The following HIRA variants were observed in gnomAD, a reference collection of about 807,000 sequenced individuals.
HIRA encodes histone cell cycle regulator.
Under a neutral mutation model 126.6 loss-of-function variants are expected in HIRA, and 13 were observed. The ratio of observed to expected loss-of-function variants is 0.10; its 90% CI spans 0.07 to 0.16. The LOEUF (loss-of-function observed/expected upper bound fraction) is 0.16, where lower values mean the gene tolerates loss of function less well. HIRA is among the 10% of genes least tolerant of loss of function. HIRA has a pLI of 1.00. For synonymous variants in HIRA, 511 were observed against 520.0 expected, an observed-to-expected ratio of 0.98 and a Z score of 0.24; for missense variants, 834 against 1,314.4, an observed-to-expected ratio of 0.63 and a Z score of 5.65.
At chr22:19,388,756 G>A (rs903948056) in intron 9 of HIRA, among the ~76,000 whole-genome samples, 4 of 152,198 alleles carry the variant, frequency 2.6e-5, no homozygotes, top group Non-Finnish European at 4.4e-5. Context: ...GCTACCTAGA[G>A]TGGACCCTGC....
intron 10 of HIRA, among the ~76,000 whole-genome samples, chr22:19,388,237 G>A (rs769884972): frequency 4.6e-5 from 7 of 152,164 alleles, no homozygotes; most frequent in Non-Finnish European, 5.9e-5. Flanking sequence ...CATTCTCCTC[G>A]TCTTAGACAA....
chr22:19,391,964 C>T (rs2089186762), intron 9 of HIRA, 137 bp downstream of exon 9: 1 of 484,290 alleles, frequency 2.1e-6, no homozygotes. Context: ...CTGTGAGCTT[C>T]CAAGGAGGGG....
rs918534329 is a variant in HIRA at position 19,425,712 on chromosome 22, G to A, written c.37+5728C>T. Among the ~76,000 whole-genome samples the A allele has an allele frequency of 3.3e-5, 5 of 152,160 alleles. No homozygotes were observed. In the East Asian group the frequency reaches 5.8e-4, roughly 18 times the overall value. On this transcript the variant is annotated intron_variant, in intron 1 of 24. Coordinates refer to ENST00000263208, the MANE Select transcript of HIRA (RefSeq NM_003325.4). ...ATAAATTCAGAGAGAGGCTGGGAGC[G>A]GTGGCTCACACCTGTAATACCAGCA...
At chr22:19,350,279 C>T (rs1031088117) in intron 24 of HIRA, among the ~76,000 whole-genome samples, 3 of 152,110 alleles carry the variant, frequency 2.0e-5, no homozygotes, top group African/African-American at 7.2e-5. Flanking sequence ...TGCTGCCTGC[C>T]CCATTCACTG....
Position 19,396,117 on chromosome 22 carries a change from A to G in HIRA, c.654+670T>C, listed in dbSNP as rs188782497. Among the ~76,000 whole-genome samples, 472 of 152,304 alleles carry G rather than the reference A, an allele frequency of 3.1e-3. 1 individual carries two copies. Among genetic ancestry groups the G allele is most frequent in the Non-Finnish European group, 4.2e-3 (289 of 68,026 alleles). ...CAACAAGCTGCTCTGCGGGAGGCTCAGAGTAAACTCCGCACTATAAGAAGC... is the reference window on the plus strand; with the variant it reads ...CAACAAGCTGCTCTGCGGGAGGCTCGGAGTAAACTCCGCACTATAAGAAGC... On this transcript the variant is annotated intron_variant, in intron 7 of 24. Transcript: ENST00000263208.
At position 19,361,431 on chromosome 22, in the gene HIRA, CT is replaced by C. The variant is rs2146197692; in HGVS notation, c.1981-91del. The stretch of plus-strand genomic sequence containing the variant: ...AGGTCACCCAGAAGTGAGGCTGAGC[CT>C]GCGACCAGAGCATTTCCACCCTGGG... On this transcript the variant is annotated intron_variant, in intron 16 of 24. Coordinates refer to ENST00000263208, the MANE Select transcript of HIRA (RefSeq NM_003325.4). The C allele has an allele frequency of 4.5e-6, 5 of 1,108,174 alleles. No homozygotes were observed. The East Asian group carries it at 1.2e-4, about 26-fold the overall frequency. 68.6% of individuals were successfully genotyped at this position (1,108,174 alleles called of 1,614,324 possible).
At chr22:19,421,755 T>C (rs2089448529) in intron 1 of HIRA, among the ~76,000 whole-genome samples, 1 of 152,168 alleles carries the variant, frequency 6.6e-6, no homozygotes, top group Non-Finnish European at 1.5e-5. Flanking sequence ...CACTGCAACC[T>C]CCCACTCTGG....
chr22:19,353,253 C>T, intron 23 of HIRA, 103 bp downstream of exon 23: 1 of 1,413,154 alleles, frequency 7.1e-7, no homozygotes. Context: ...GTAGAGGCTG[C>T]TGGGCCATCA....
At chr22:19,375,247 C>T (rs1053211331) in intron 15 of HIRA, among the ~76,000 whole-genome samples, 1 of 152,116 alleles carries the variant, frequency 6.6e-6, no homozygotes, top group Non-Finnish European at 1.5e-5. Context: ...AGTGGAAGGC[C>T]GTCACTTCCA....
At chr22:19,344,894 C>T (rs2088669646) in intron 24 of HIRA, among the ~76,000 whole-genome samples, 2 of 152,162 alleles carry the variant, frequency 1.3e-5, no homozygotes, top group South Asian at 4.1e-4. Context: ...ATGACACGAT[C>T]ATCTTAATGC....
Position 19,346,659 on chromosome 22 carries a change from G to A in HIRA, c.2937+4699C>T, listed in dbSNP as rs2088690209. Reference sequence around the variant, plus strand: ...AAGTGATTTAATGGTTGCCTGTGAGGCACAGACTAGTTTCTGGGAGAGCGT... The same window carrying A: ...AAGTGATTTAATGGTTGCCTGTGAGACACAGACTAGTTTCTGGGAGAGCGT... On this transcript the variant is annotated intron_variant, in intron 24 of 24. Coordinates refer to ENST00000263208, the MANE Select transcript of HIRA (RefSeq NM_003325.4). 3.3e-5 allele frequency among the ~76,000 whole-genome samples: 5 copies of A among 152,332 alleles called. No homozygotes were observed. The South Asian group carries it at 1.0e-3, about 32-fold the overall frequency.
intron 2 of HIRA, among the ~76,000 whole-genome samples, chr22:19,409,026 C>T (rs539538470): frequency 1.3e-5 from 2 of 152,294 alleles, no homozygotes; most frequent in African/African-American, 4.8e-5. Flanking sequence ...CCCTAAAAAG[C>T]AAACAGAAAA....
At chr22:19,380,637 A>G (rs1043943920) in intron 13 of HIRA, among the ~76,000 whole-genome samples, 1 of 151,956 alleles carries the variant, frequency 6.6e-6, no homozygotes, top group Non-Finnish European at 1.5e-5. Context: ...ATTTGATACA[A>G]AGTCTCACTC....
At chr22:19,362,936 TA>T (rs1212138681) in intron 15 of HIRA, among the ~76,000 whole-genome samples, 1 of 148,598 alleles carries the variant, frequency 6.7e-6, no homozygotes. Context: ...AAGTGAAGAT[TA>T]AAAAAAAAGA....
intron 1 of HIRA, among the ~76,000 whole-genome samples, chr22:19,422,282 CAG>C (rs777327575): frequency 2.0e-5 from 3 of 151,828 alleles, no homozygotes; most frequent in African/African-American, 7.2e-5. Context: ...CACACACACA[CAG>C]AGTCTCCCCC....
chr22:19,377,157 C>T (rs1210741384), intron 14 of HIRA, among the ~76,000 whole-genome samples: 1 of 152,182 alleles, frequency 6.6e-6, no homozygotes, highest in Non-Finnish European at 1.5e-5. Context: ...GAGATACCAG[C>T]CCCTCTTTGG....
At chr22:19,339,689 A>G (rs2088605896) in intron 24 of HIRA, among the ~76,000 whole-genome samples, 3 of 152,150 alleles carry the variant, frequency 2.0e-5, no homozygotes. Flanking sequence ...AATGAAAGAT[A>G]TTACAACTGA....
intron 1 of HIRA, among the ~76,000 whole-genome samples, chr22:19,422,171 T>TAC (rs763716204): frequency 0.03 from 4,311 of 143,108 alleles, 109 homozygotes; most frequent in African/African-American, 0.067. Context: ...TGTTTATATA[T>TAC]ACACACACAC....
intron 1 of HIRA, among the ~76,000 whole-genome samples, chr22:19,419,961 C>T (rs1286151943): frequency 2.6e-5 from 4 of 152,154 alleles, no homozygotes; most frequent in African/African-American, 9.7e-5. Context: ...AAGCATGACA[C>T]AATGACATCT....
Sources: allele counts gnomAD v4.1 joint callset (sites outside exome capture counted in the v4.1 genomes callset), GRCh38; gene constraint gnomAD v4.1.1; transcripts MANE v1.5; gene names NCBI Gene and HGNC (gene_info 2026-07-23, HGNC 2026-07-21).